The following ADCYAP1R1 variants were observed in gnomAD, a reference collection of about 807,000 sequenced individuals.
ADCYAP1R1 encodes the protein pituitary adenylate cyclase-activating polypeptide type I receptor.
Under a neutral mutation model 67.6 loss-of-function variants are expected in ADCYAP1R1, and 44 were observed. That is an observed-to-expected ratio of 0.65 (90% confidence interval 0.51 to 0.84). ADCYAP1R1 has a LOEUF of 0.84. Ranked by LOEUF, ADCYAP1R1 falls within the 40% of genes least tolerant of loss-of-function variation. The probability of loss-of-function intolerance (pLI) is 0.00; values close to 1 mark genes in which losing one functional copy is unlikely to be tolerated. For synonymous variants in ADCYAP1R1, 222 were observed against 219.6 expected (o/e 1.01, Z -0.10); for missense variants, 477 against 587.9 (o/e 0.81, Z 1.95).
At chr7:31,069,141 C>G (rs1331546383) in intron 3 of ADCYAP1R1, among the ~76,000 whole-genome samples, 1 of 152,178 alleles carries the variant, frequency 6.6e-6, no homozygotes, top group Non-Finnish European at 1.5e-5. Context: ...CTGAGAACCA[C>G]TGGCCAGAGC....
intron 3 of ADCYAP1R1, among the ~76,000 whole-genome samples, chr7:31,077,526 T>G (rs1795306139): frequency 7.0e-6 from 1 of 143,754 alleles, no homozygotes; most frequent in African/African-American, 2.6e-5. Flanking sequence ...GTGTGTGTGA[T>G]CTGTTTGTGG....
intron 12 of ADCYAP1R1, among the ~76,000 whole-genome samples, chr7:31,088,067 G>C (rs1795826470): frequency 6.6e-6 from 1 of 152,232 alleles, no homozygotes; most frequent in Non-Finnish European, 1.5e-5. Context: ...CTCAGGAAGA[G>C]TGATTCATTT....
At chr7:31,075,942 A>T (rs1795191846) in intron 3 of ADCYAP1R1, among the ~76,000 whole-genome samples, 1 of 152,164 alleles carries the variant, frequency 6.6e-6, no homozygotes, top group Non-Finnish European at 1.5e-5. Flanking sequence ...GAAGGAGCTG[A>T]AGTGGGGTGA....
chr7:31,106,343 C>T (rs1033604087), intron 15 of ADCYAP1R1, among the ~76,000 whole-genome samples, 153 bp from the exon 16 acceptor site: 1 of 152,218 alleles, frequency 6.6e-6, no homozygotes, highest in African/African-American at 2.4e-5. Flanking sequence ...AAAGCCCCCA[C>T]TGGAGACCTT....
rs1167133145 is a variant in ADCYAP1R1 at position 31,063,176 on chromosome 7, C to A, written c.-71-18C>A. ...CTGCACTGGGCTCACAGGATTCACA[C>A]CTTTCCTTCCTCTCTAGCCCAGAGA... On this transcript the variant is annotated intron_variant, in intron 1 of 15. Coordinates refer to ENST00000304166, the MANE Select transcript of ADCYAP1R1 (RefSeq NM_001118.5). 2 of 1,535,940 alleles carry A rather than the reference C, an allele frequency of 1.3e-6. No individual in the cohort carries two copies. The highest frequency in any genetic ancestry group is 2.7e-5 in the African/African-American group (2 of 73,366).
intron 5 of ADCYAP1R1, among the ~76,000 whole-genome samples, chr7:31,081,387 C>T (rs535211240): frequency 6.6e-6 from 1 of 152,260 alleles, no homozygotes; most frequent in East Asian, 1.9e-4. Flanking sequence ...GCCCAACCAT[C>T]CCTTTTCATT....
At chr7:31,066,387 C>G (rs1438266300) in intron 3 of ADCYAP1R1, among the ~76,000 whole-genome samples, 1 of 152,092 alleles carries the variant, frequency 6.6e-6, no homozygotes, top group Non-Finnish European at 1.5e-5. Context: ...TTTAATTGCT[C>G]ACCTGCTTGT....
chr7:31,073,402 C>T (rs1247892782), intron 3 of ADCYAP1R1, among the ~76,000 whole-genome samples: 1 of 152,128 alleles, frequency 6.6e-6, no homozygotes, highest in African/African-American at 2.4e-5. Context: ...TGACAAAAGG[C>T]ATCTTGAAAT....
intron 3 of ADCYAP1R1, among the ~76,000 whole-genome samples, chr7:31,077,463 A>ATGTGTGTGG (rs1795300361): frequency 8.9e-6 from 1 of 112,396 alleles, no homozygotes; most frequent in Admixed American, 8.9e-5. Context: ...TGTGTGGTGC[A>ATGTGTGTGG]TGTGTGTGGT....
At chr7:31,063,098 G>A (rs765968928) in intron 1 of ADCYAP1R1, 96 bp from the exon 2 acceptor site, 63 of 701,444 alleles carry the variant, frequency 9.0e-5, no homozygotes, top group Non-Finnish European at 1.4e-4. Flanking sequence ...GCTGAGAGCC[G>A]TGCTGCAGGG....
At position 31,102,974 on chromosome 7, in the gene ADCYAP1R1, G is replaced by A. The variant is rs1294595770; in HGVS notation, c.1047-263G>A. Reference sequence around the variant, plus strand: ...GAAGGTTTTGCACGTCACCCAAGGGGTCCCTGTAAATCGTGTGCACATTTT... The same window carrying A: ...GAAGGTTTTGCACGTCACCCAAGGGATCCCTGTAAATCGTGTGCACATTTT... On this transcript the variant is annotated intron_variant, in intron 13 of 15. Coordinates refer to ENST00000304166, the MANE Select transcript of ADCYAP1R1 (RefSeq NM_001118.5). This position sits in a 1 kb window ranked among gnomAD's most constrained non-coding sequence, Gnocchi z 4.3. 6.6e-6 allele frequency among the ~76,000 whole-genome samples: 1 copy of A among 152,210 alleles called. No homozygotes were observed. The highest frequency in any genetic ancestry group is 1.5e-5 in the Non-Finnish European group (1 of 68,032).
chr7:31,077,520 G>C, intron 3 of ADCYAP1R1, among the ~76,000 whole-genome samples: 1 of 149,880 alleles, frequency 6.7e-6, no homozygotes, highest in Non-Finnish European at 1.5e-5. Flanking sequence ...TGTGGTGTGT[G>C]TGTGATCTGT....
chr7:31,104,622 A>T (rs984889704), intron 14 of ADCYAP1R1, among the ~76,000 whole-genome samples: 5 of 152,098 alleles, frequency 3.3e-5, no homozygotes, highest in African/African-American at 1.2e-4. Flanking sequence ...GATCTGACCA[A>T]GGGAATGTGA....
At chr7:31,106,024 G>A (rs1796630631) in intron 15 of ADCYAP1R1, among the ~76,000 whole-genome samples, 1 of 152,212 alleles carries the variant, frequency 6.6e-6, no homozygotes, top group Non-Finnish European at 1.5e-5. Context: ...AAAATATGAT[G>A]TCTGGGTCTT....
chr7:31,080,796 C>T (rs767262052), intron 5 of ADCYAP1R1, among the ~76,000 whole-genome samples, 163 bp downstream of exon 5: 17 of 152,242 alleles, frequency 1.1e-4, no homozygotes, highest in African/African-American at 1.4e-4. Flanking sequence ...CCCCTCTCCC[C>T]GACCTTGGCC....
At chr7:31,077,369 GTGTC>G (rs1373024414) in intron 3 of ADCYAP1R1, among the ~76,000 whole-genome samples, 1 of 150,634 alleles carries the variant, frequency 6.6e-6, no homozygotes, top group Non-Finnish European at 1.5e-5. Context: ...TGATGTGTAT[GTGTC>G]TGGTGTGAGT....
Position 31,106,691 on chromosome 7 carries a change from C to T in ADCYAP1R1, c.*7C>T. On this transcript the variant is annotated 3_prime_UTR_variant, in exon 16 of 16. Transcript: ENST00000304166. ...TGACAATCTGGCCACCTGAGCCATGCTCCCCTCCTCCTCCTCTCCTCCATC... is the reference window on the plus strand; with the variant it reads ...TGACAATCTGGCCACCTGAGCCATGTTCCCCTCCTCCTCCTCTCCTCCATC... The T allele has an allele frequency of 6.3e-7, 1 of 1,596,952 alleles. No individual in the cohort carries two copies. The highest frequency in any genetic ancestry group is 1.1e-5 in the South Asian group (1 of 87,386).
At chr7:31,100,220 C>G (rs553504143) in intron 13 of ADCYAP1R1, 1 of 1,550,178 alleles carries the variant, frequency 6.5e-7, no homozygotes, top group East Asian at 2.4e-5. Context: ...TGTAAGTGTG[C>G]GTGGCCGAGG....
At chr7:31,083,106 G>T (rs1795580606) in intron 6 of ADCYAP1R1, among the ~76,000 whole-genome samples, 1 of 152,242 alleles carries the variant, frequency 6.6e-6, no homozygotes, top group Non-Finnish European at 1.5e-5. Context: ...GGTGTCTCTT[G>T]TTTTATACAA....
Sources: gnomAD v4.1 joint callset for allele counts (sites outside exome capture counted in the v4.1 genomes callset) on GRCh38, gnomAD v4.1.1 for gene constraint, Gnocchi (gnomAD v3.1) non-coding constraint, MANE v1.5 for transcripts, NCBI Gene and HGNC (gene_info 2026-07-23, HGNC 2026-07-21) for gene names.